The following LTBP1 variants were observed in gnomAD, a reference collection of about 807,000 sequenced individuals.
The protein encoded by LTBP1 is latent-transforming growth factor beta-binding protein 1.
Under a neutral mutation model 207.6 loss-of-function variants are expected in LTBP1, and 129 were observed. That is an observed-to-expected ratio of 0.62 (90% CI 0.54 to 0.72). LTBP1 has a LOEUF of 0.72. LTBP1 is among the 30% of genes least tolerant of loss of function. The probability of loss-of-function intolerance (pLI) is 0.00; values close to 1 mark genes in which losing one functional copy is unlikely to be tolerated. For missense variants in LTBP1, 2,281 were observed against 2,217.2 expected, an observed-to-expected ratio of 1.03 and a Z score of -0.58; for synonymous variants, 963 against 833.7, an observed-to-expected ratio of 1.16 and a Z score of -2.67.
chr2:33,025,755 G>A (rs2075384168), intron 3 of LTBP1, among the ~76,000 whole-genome samples: 1 of 152,192 alleles, frequency 6.6e-6, no homozygotes, highest in Non-Finnish European at 1.5e-5. Context: ...GAATAATCCA[G>A]TGGGTTGAGG....
At chr2:32,961,821 C>T (rs1046778664) in intron 2 of LTBP1, among the ~76,000 whole-genome samples, 2 of 151,792 alleles carry the variant, frequency 1.3e-5, no homozygotes, top group African/African-American at 2.4e-5. Context: ...TGGTGGGCGC[C>T]GGTAATCCCA....
intron 2 of LTBP1, among the ~76,000 whole-genome samples, chr2:32,954,436 C>T (rs1017462536): frequency 3.9e-5 from 6 of 152,018 alleles, no homozygotes; most frequent in African/African-American, 7.3e-5. Flanking sequence ...TGTAGATGGC[C>T]GTCTCTTCCC....
chr2:33,318,356 A>G (rs2094303414), intron 24 of LTBP1, among the ~76,000 whole-genome samples: 2 of 152,026 alleles, frequency 1.3e-5, no homozygotes, highest in Admixed American at 6.5e-5. Context: ...TTATTCACTC[A>G]CGTAACCGGT....
At chr2:32,969,053 G>A (rs1363865412) in intron 2 of LTBP1, among the ~76,000 whole-genome samples, 1 of 151,802 alleles carries the variant, frequency 6.6e-6, no homozygotes, top group African/African-American at 2.4e-5. Context: ...AGCCTCCCAA[G>A]TAGCTGGGAT....
At chr2:33,084,782 C>A (rs2078654045) in intron 3 of LTBP1, among the ~76,000 whole-genome samples, 1 of 152,174 alleles carries the variant, frequency 6.6e-6, no homozygotes, top group Non-Finnish European at 1.5e-5. Context: ...TTCCCTTTTG[C>A]CAGTCAGTCC....
intron 8 of LTBP1, among the ~76,000 whole-genome samples, chr2:33,219,919 G>T: frequency 6.6e-6 from 1 of 151,576 alleles, no homozygotes; most frequent in South Asian, 2.1e-4. Flanking sequence ...CTAGAATTGC[G>T]TCATTTTTAT....
At chr2:33,171,915 G>T (rs927865936) in intron 5 of LTBP1, among the ~76,000 whole-genome samples, 33 of 152,238 alleles carry the variant, frequency 2.2e-4, no homozygotes, top group Middle Eastern at 3.4e-3. Flanking sequence ...CTAAGCTTCG[G>T]AAGTGAAGGA....
chr2:33,201,652 A>C (rs992791643), intron 7 of LTBP1, among the ~76,000 whole-genome samples: 1 of 151,798 alleles, frequency 6.6e-6, no homozygotes, highest in Admixed American at 6.6e-5. Flanking sequence ...AAGAAGAAGA[A>C]AAAAAAAGAA....
At chr2:33,248,960 G>C (rs1197200028) in intron 10 of LTBP1, among the ~76,000 whole-genome samples, 3 of 152,100 alleles carry the variant, frequency 2.0e-5, no homozygotes, top group Non-Finnish European at 4.4e-5. Context: ...CTGCCTCTCA[G>C]ACTCCTCAAA....
At chr2:33,351,564 A>G (rs772303793) in intron 26 of LTBP1, among the ~76,000 whole-genome samples, 3 of 152,198 alleles carry the variant, frequency 2.0e-5, no homozygotes, top group African/African-American at 7.2e-5. Context: ...CTCTGAAAGG[A>G]CATCCATATT....
chr2:33,132,963 C>T (rs149007493), intron 4 of LTBP1, among the ~76,000 whole-genome samples: 50 of 152,224 alleles, frequency 3.3e-4, no homozygotes, highest in Admixed American at 7.8e-4. Flanking sequence ...ACTGTGAGGC[C>T]AGATTTCAGC....
chr2:32,985,500 GT>G (rs1683416901), intron 2 of LTBP1, among the ~76,000 whole-genome samples: 1 of 152,178 alleles, frequency 6.6e-6, no homozygotes, highest in Non-Finnish European at 1.5e-5. Context: ...GCTTGCCCTA[GT>G]TTAGAGCCCA....
intron 10 of LTBP1, among the ~76,000 whole-genome samples, chr2:33,250,186 A>T (rs1334293447): frequency 6.6e-6 from 1 of 152,216 alleles, no homozygotes; most frequent in Non-Finnish European, 1.5e-5. Flanking sequence ...AAAGAACAAC[A>T]GGCAATTTAG....
intron 26 of LTBP1, among the ~76,000 whole-genome samples, chr2:33,350,168 G>A (rs2094760859): frequency 6.6e-6 from 1 of 152,136 alleles, no homozygotes; most frequent in Non-Finnish European, 1.5e-5. Flanking sequence ...CTGAAGCTGA[G>A]AGCTCATCCG....
At chr2:33,203,078 G>A (rs912499498) in intron 7 of LTBP1, among the ~76,000 whole-genome samples, 1 of 111,052 alleles carries the variant, frequency 9.0e-6, no homozygotes, top group African/African-American at 3.5e-5. Flanking sequence ...TGAGTCTCTT[G>A]TGGCTCTAAA....
At chr2:33,146,225 G>A (rs929912829) in intron 5 of LTBP1, among the ~76,000 whole-genome samples, 3 of 152,320 alleles carry the variant, frequency 2.0e-5, no homozygotes, top group African/African-American at 7.2e-5. Flanking sequence ...ATTTGTGGAT[G>A]CAGCAGCAAC....
intron 2 of LTBP1, among the ~76,000 whole-genome samples, chr2:32,982,465 A>G (rs1484645898): frequency 6.6e-6 from 1 of 152,238 alleles, no homozygotes; most frequent in Non-Finnish European, 1.5e-5. Context: ...AGTAACAAGG[A>G]GCCCAAGACA....
At chr2:33,006,016 C>G (rs914548989) in intron 2 of LTBP1, among the ~76,000 whole-genome samples, 1 of 152,188 alleles carries the variant, frequency 6.6e-6, no homozygotes, top group Non-Finnish European at 1.5e-5. Context: ...CTCATTCTCA[C>G]TCCACAGAAG....
chr2:33,265,640 A>C (rs1161773105), intron 15 of LTBP1, among the ~76,000 whole-genome samples: 1 of 152,194 alleles, frequency 6.6e-6, no homozygotes. Context: ...TTTTTTAAAG[A>C]CATATATACA....
Sources: gnomAD v4.1 joint callset for allele counts (sites outside exome capture counted in the v4.1 genomes callset) on GRCh38, gnomAD v4.1.1 for gene constraint, MANE v1.5 for transcripts, NCBI Gene and HGNC (gene_info 2026-07-23, HGNC 2026-07-21) for gene names.